RPS6KA2: variants seen among roughly 807,000 people sequenced by gnomAD.
RPS6KA2 encodes the protein ribosomal protein S6 kinase alpha-2.
Under a neutral mutation model 91.8 loss-of-function variants are expected in RPS6KA2, and 42 were observed. The ratio of observed to expected loss-of-function variants is 0.46; its 90% CI spans 0.36 to 0.59. The LOEUF (loss-of-function observed/expected upper bound fraction) is 0.59, where lower values mean the gene tolerates loss of function less well. Among genes scored for constraint, RPS6KA2 ranks in the 20% least tolerant of loss-of-function variants. The pLI is 0.00. For synonymous variants in RPS6KA2, 414 were observed against 393.6 expected, an observed-to-expected ratio of 1.05 and a Z score of -0.61; for missense variants, 798 against 978.5, an observed-to-expected ratio of 0.82 and a Z score of 2.46.
upstream of RPS6KA2, among the ~76,000 whole-genome samples, chr6:166,629,701 G>A (rs1412303226): frequency 6.6e-6 from 1 of 152,196 alleles, no homozygotes; most frequent in African/African-American, 2.4e-5. Flanking sequence ...CCAGATGATG[G>A]AATGGGAGAG....
intron 2 of RPS6KA2, among the ~76,000 whole-genome samples, chr6:166,707,326 C>A (rs1789711034): frequency 6.6e-6 from 1 of 152,224 alleles, no homozygotes; most frequent in South Asian, 2.1e-4. Flanking sequence ...TTAGGGAGCT[C>A]CAACCATGTG....
At chr6:166,686,987 C>T (rs1179226796) in intron 2 of RPS6KA2, among the ~76,000 whole-genome samples, 1 of 152,208 alleles carries the variant, frequency 6.6e-6, no homozygotes, top group Non-Finnish European at 1.5e-5. Flanking sequence ...GGGCAGAGGG[C>T]AGCTCTGTCT....
At chr6:166,785,533 G>A (rs187887151) in intron 2 of RPS6KA2, among the ~76,000 whole-genome samples, 1 of 152,346 alleles carries the variant, frequency 6.6e-6, no homozygotes, top group East Asian at 1.9e-4. Flanking sequence ...GTTGCTCCAC[G>A]CCAGGCATGG....
At chr6:166,540,968 C>G (rs974041670) in intron 1 of RPS6KA2, among the ~76,000 whole-genome samples, 1 of 152,142 alleles carries the variant, frequency 6.6e-6, no homozygotes, top group Non-Finnish European at 1.5e-5. Flanking sequence ...AAATTGCAGA[C>G]GATTTGTCAT....
chr6:166,450,677 A>G (rs914674558), intron 13 of RPS6KA2, among the ~76,000 whole-genome samples: 7 of 137,132 alleles, frequency 5.1e-5, no homozygotes, highest in African/African-American at 1.9e-4. Context: ...GGACCACCAC[A>G]GGGACCACCA....
chr6:166,556,385 C>T (rs1784179075), intron 1 of RPS6KA2, among the ~76,000 whole-genome samples: 1 of 152,224 alleles, frequency 6.6e-6, no homozygotes, highest in Non-Finnish European at 1.5e-5. Context: ...CCCCCTACTA[C>T]CTGACATGTT....
intron 2 of RPS6KA2, among the ~76,000 whole-genome samples, chr6:166,654,056 TA>T (rs146564492): frequency 7.2e-5 from 11 of 152,362 alleles, no homozygotes; most frequent in Non-Finnish European, 1.5e-4. Context: ...CCAGATGTGA[TA>T]GCACACTGTA....
At chr6:166,857,651 G>A (rs9356529) in intron 2 of RPS6KA2, among the ~76,000 whole-genome samples, 87,832 of 152,066 alleles carry the variant, frequency 0.58, 29,223 homozygotes, top group Non-Finnish European at 0.74. Context: ...CTTCTCTTCC[G>A]TTTGATGACC....
At chr6:166,824,861 GTGTCTGTGTGTGTATGTCTGTATGTA>G (rs1226144066) in intron 2 of RPS6KA2, among the ~76,000 whole-genome samples, 1 of 151,804 alleles carries the variant, frequency 6.6e-6, no homozygotes, top group South Asian at 2.1e-4. Flanking sequence ...GTATCTATGT[GTGTCTGTGTGTGTATGTCTGTATGTA>G]TGTCTGTGTG....
At position 166,822,913 on chromosome 6, in the gene RPS6KA2, T is replaced by A. The variant is rs114007726; in HGVS notation, c.123+35287A>T. Reference sequence around the variant, plus strand: ...GTGGTTCCTCAGTCATAACTTTTTCTTGGTAGAATGACAAGTTTCTTTTAA... The same window carrying A: ...GTGGTTCCTCAGTCATAACTTTTTCATGGTAGAATGACAAGTTTCTTTTAA... On this transcript the variant is annotated intron_variant, in intron 2 of 21. Transcript: ENST00000503859. Among the ~76,000 whole-genome samples the A allele has an allele frequency of 4.9e-3, 754 of 152,376 alleles. 10 individuals carry two copies. Among genetic ancestry groups the A allele is most frequent in the African/African-American group, 0.017 (722 of 41,598 alleles).
rs1285902691 is a variant in RPS6KA2 at position 166,859,715 on chromosome 6, T to C, written c.64-1456A>G. Among the ~76,000 whole-genome samples the C allele has an allele frequency of 2.0e-5, 3 of 152,192 alleles. No individual in the cohort carries two copies. In the East Asian group the frequency reaches 5.8e-4, roughly 29 times the overall value. ...ACAATGGACCTCAGACCCAGTTCAG[T>C]TCGGTTCTCTCAGACTACAGATGAG... On this transcript the variant is annotated intron_variant, in intron 1 of 21. Transcript: ENST00000503859.
intron 5 of RPS6KA2, among the ~76,000 whole-genome samples, chr6:166,507,276 T>A (rs1782264297): frequency 6.6e-6 from 1 of 152,054 alleles, no homozygotes. Flanking sequence ...GTCCCAGAGC[T>A]GCAGGGGCGC....
At chr6:166,627,806 GTCA>G (rs1786952435), upstream of RPS6KA2, 1 of 152,240 alleles carries the variant, frequency 6.6e-6, no homozygotes, top group African/African-American at 2.4e-5. Flanking sequence ...TGCACACTTT[GTCA>G]TCATGTTTTT....
chr6:166,422,289 G>C (rs1221481249), intron 17 of RPS6KA2, among the ~76,000 whole-genome samples: 1 of 152,192 alleles, frequency 6.6e-6, no homozygotes, highest in Non-Finnish European at 1.5e-5. Flanking sequence ...TCCAGCCCCT[G>C]GCTGCACATC....
chr6:166,680,537 T>C (rs779735830), intron 2 of RPS6KA2, among the ~76,000 whole-genome samples: 15 of 152,182 alleles, frequency 9.9e-5, no homozygotes, highest in Non-Finnish European at 1.8e-4. Flanking sequence ...TTTTGTGAAC[T>C]GTAACATCTC....
intron 2 of RPS6KA2, among the ~76,000 whole-genome samples, chr6:166,839,909 A>C (rs1780423049): frequency 6.6e-6 from 1 of 151,618 alleles, no homozygotes; most frequent in Non-Finnish European, 1.5e-5. Flanking sequence ...TGGACTTTTA[A>C]AATTAACTAA....
intron 2 of RPS6KA2, among the ~76,000 whole-genome samples, chr6:166,763,116 A>G (rs1486044774): frequency 6.6e-6 from 1 of 152,254 alleles, no homozygotes; most frequent in East Asian, 1.9e-4. Flanking sequence ...TAGCAGTAGT[A>G]TCAGGATCAC....
rs1789483604 is a variant in RPS6KA2, at chr6:166,700,688, T to C, written c.123+157512A>G. Among the ~76,000 whole-genome samples, 4 of 152,168 alleles carry C rather than the reference T, an allele frequency of 2.6e-5. No homozygotes were observed. In the South Asian group the frequency reaches 8.3e-4, roughly 32 times the overall value. On this transcript the variant is annotated intron_variant, in intron 2 of 21. Coordinates refer to the RPS6KA2 transcript ENST00000503859. ...AACATTTAAGTTCCTGTAATAATTATTCTGCTCCAATTTTAACAATTGGAT... is the reference window on the plus strand; with the variant it reads ...AACATTTAAGTTCCTGTAATAATTACTCTGCTCCAATTTTAACAATTGGAT...
chr6:166,704,300 A>T (rs1427658467), intron 2 of RPS6KA2, among the ~76,000 whole-genome samples: 1 of 152,214 alleles, frequency 6.6e-6, no homozygotes, highest in Non-Finnish European at 1.5e-5. Flanking sequence ...GCAGGTAGTT[A>T]GCATTCGCCA....
Sources: allele counts gnomAD v4.1 joint callset (sites outside exome capture counted in the v4.1 genomes callset), GRCh38; gene constraint gnomAD v4.1.1; transcripts MANE v1.5; gene names NCBI Gene and HGNC (gene_info 2026-07-23, HGNC 2026-07-21).